Variants in SDK2 observed in about 807,000 individuals in gnomAD.
SDK2 encodes sidekick cell adhesion molecule 2, also known as protein sidekick-2.
A neutral mutation model predicts 253.9 loss-of-function variants in SDK2; 105 were observed. The observed-to-expected ratio is 0.41, with a 90% CI of 0.35 to 0.49. The LOEUF (loss-of-function observed/expected upper bound fraction) is 0.49, where lower values mean the gene tolerates loss of function less well. Among genes scored for constraint, SDK2 ranks in the 20% least tolerant of loss-of-function variants. SDK2 has a pLI of 0.06. For missense variants in SDK2, 2,608 were observed against 3,003.0 expected (o/e 0.87, Z 3.07); for synonymous variants, 1,249 against 1,234.9 (o/e 1.01, Z -0.24).
At chr17:73,634,019 G>A (rs2046301191) in intron 1 of SDK2, among the ~76,000 whole-genome samples, 1 of 152,204 alleles carries the variant, frequency 6.6e-6, no homozygotes, top group African/African-American at 2.4e-5. Context: ...TGCCGTTGAG[G>A]CCACAGCTGT....
chr17:73,360,860 C>T (rs1568365446), intron 39 of SDK2, among the ~76,000 whole-genome samples: 1 of 150,656 alleles, frequency 6.6e-6, no homozygotes, highest in Non-Finnish European at 1.5e-5. Context: ...TGCTTGAACC[C>T]GGGAGGTGGA....
chr17:73,417,139 C>T (rs561299137), intron 16 of SDK2, among the ~76,000 whole-genome samples: 2 of 151,290 alleles, frequency 1.3e-5, no homozygotes, highest in South Asian at 2.1e-4. Context: ...CATGGTGGCT[C>T]GTACCTATAA....
rs753609924 is a variant in SDK2 at position 73,348,661 on chromosome 17, C to G, written c.6103G>C (p.Asp2035His). 5 of 1,612,658 alleles carry G rather than the reference C, an allele frequency of 3.1e-6. No homozygotes were observed. The South Asian group carries it at 4.4e-5, about 14-fold the overall frequency. Reference protein sequence around the residue: ...YSDEDVTKYNDLIPAESSSLT... With the variant: ...YSDEDVTKYNHLIPAESSSLT... Reference sequence around the variant, plus strand: ...CTGCTGCTCTCTGCAGGGATGAGGTCGTTGTATTTGGTGACATCCTCATCC... The same window carrying G: ...CTGCTGCTCTCTGCAGGGATGAGGTGGTTGTATTTGGTGACATCCTCATCC... The change falls in exon 44 of 45, where the codon GAC (aspartate) becomes CAC (histidine). Residue 2035 changes from aspartate to histidine, a missense_variant. Transcript: ENST00000392650.
In SDK2 at chr17:73,629,442, G is replaced by A. The variant is rs1567882373; in HGVS notation, c.64+14583C>T. Among the ~76,000 whole-genome samples, 4 of 152,196 alleles carry A rather than the reference G, an allele frequency of 2.6e-5. No individual in the cohort carries two copies. The highest frequency in any genetic ancestry group is 9.7e-5 in the African/African-American group (4 of 41,440). The stretch of plus-strand genomic sequence containing the variant: ...TGAGTGTAAGCACCTGAGGGCAGAA[G>A]CCACTTGGGGTGTGGCCAGGTACAC... On this transcript the variant is annotated intron_variant, in intron 1 of 44. Coordinates refer to ENST00000392650, the MANE Select transcript of SDK2 (RefSeq NM_001144952.2). The surrounding 1 kb of genome is among the most constrained non-coding windows in gnomAD (Gnocchi z 5.0).
intron 36 of SDK2, chr17:73,369,226 A>T (rs1178503937): frequency 1.1e-5 from 5 of 467,028 alleles, no homozygotes; most frequent in Admixed American, 9.4e-5. Context: ...GTCCTACGGG[A>T]GGCTGAGCTG....
rs1282900203 is a variant in SDK2, at chr17:73,575,732, CAATCTTTGTGCTCA to C, written c.65-68149_65-68136del. On this transcript the variant is annotated intron_variant, in intron 1 of 44. Transcript: ENST00000392650. ...AATTATGGAATTAAAGTTGAATAGA[CAATCTTTGTGCTCA>C]AGGAGCTCAGCTTAGCGTGGGAGAC... Among the ~76,000 whole-genome samples the C allele has an allele frequency of 3.7e-3, 566 of 152,320 alleles. 1 individual carries two copies. Among genetic ancestry groups the C allele is most frequent in the African/African-American group, 8.9e-3 (369 of 41,572 alleles).
chr17:73,619,447 C>G lies in SDK2; in HGVS notation c.64+24578G>C, dbSNP rs1477846577. ...ACAGAGAGTCTATATGCATCTATGG[C>G]CAACTGATTTTTGACAAAGTTGTCA... On this transcript the variant is annotated intron_variant, in intron 1 of 44. Transcript: ENST00000392650. 2.6e-5 allele frequency among the ~76,000 whole-genome samples: 4 copies of G among 152,080 alleles called. No individual in the cohort carries two copies. In the East Asian group the frequency reaches 7.7e-4, roughly 29 times the overall value.
chr17:73,485,282 GGGC>G (rs928698003), intron 2 of SDK2, among the ~76,000 whole-genome samples: 3 of 152,126 alleles, frequency 2.0e-5, no homozygotes. Context: ...GAGGCTGAGG[GGGC>G]GAGGGAAGAA....
At chr17:73,572,573 T>G (rs150876054) in intron 1 of SDK2, among the ~76,000 whole-genome samples, 1 of 152,314 alleles carries the variant, frequency 6.6e-6, no homozygotes, top group East Asian at 1.9e-4. Flanking sequence ...GTGTAGTTAT[T>G]TGCTTATCGC....
chr17:73,586,212 T>A (rs546394369), intron 1 of SDK2, among the ~76,000 whole-genome samples: 1 of 152,280 alleles, frequency 6.6e-6, no homozygotes, highest in South Asian at 2.1e-4. Flanking sequence ...CTCCCCACCA[T>A]GCCTCTCCTG....
In SDK2 at chr17:73,352,743, C is replaced by A; in HGVS notation, c.5594-106G>T. On this transcript the variant is annotated intron_variant, in intron 40 of 44. Transcript: ENST00000392650. This position sits in a 1 kb window ranked among gnomAD's most constrained non-coding sequence, Gnocchi z 4.1. The stretch of plus-strand genomic sequence containing the variant: ...CCCTGAGGGCTGGGCCTGTTGGATC[C>A]TCCCTGCTCCACACTGAATCGCAGG... 2 of 1,143,932 alleles carry A rather than the reference C, an allele frequency of 1.7e-6. No homozygotes were observed. Among genetic ancestry groups the A allele is most frequent in the Non-Finnish European group, 2.5e-6 (2 of 793,024 alleles). The allele number at this position is 1,143,932 out of a possible 1,614,324, so 70.9% of individuals were successfully genotyped here.
intron 2 of SDK2, among the ~76,000 whole-genome samples, chr17:73,506,817 C>G (rs2063939356): frequency 6.6e-6 from 1 of 152,206 alleles, no homozygotes; most frequent in African/African-American, 2.4e-5. Context: ...GCAGATCCAC[C>G]CTTGCTGAGA....
chr17:73,352,686 A>C lies in SDK2; in HGVS notation c.5594-49T>G, dbSNP rs776749969. On this transcript the variant is annotated intron_variant, in intron 40 of 44. Transcript: ENST00000392650. This position sits in a 1 kb window ranked among gnomAD's most constrained non-coding sequence, Gnocchi z 4.1. ...CCCTGGGAGGTGAGGGGAAGCCCCA[A>C]ATCCCGCTCCCAGCCCCGTTCTGAC... 5 of 1,594,734 alleles carry C rather than the reference A, an allele frequency of 3.1e-6. No individual in the cohort carries two copies. The East Asian group carries it at 1.1e-4, about 36-fold the overall frequency.
chr17:73,574,048 A>G (rs926089104), intron 1 of SDK2, among the ~76,000 whole-genome samples: 1 of 152,108 alleles, frequency 6.6e-6, no homozygotes, highest in Admixed American at 6.5e-5. Context: ...TCCTGACACT[A>G]CCGCTCACAT....
intron 5 of SDK2, among the ~76,000 whole-genome samples, chr17:73,444,021 A>C (rs1488587213): frequency 6.6e-6 from 1 of 152,120 alleles, no homozygotes; most frequent in Non-Finnish European, 1.5e-5. Flanking sequence ...AGAGCGTGTG[A>C]TGGTTGCCGG....
intron 1 of SDK2, among the ~76,000 whole-genome samples, chr17:73,585,423 C>T (rs570761479): frequency 2.6e-5 from 4 of 152,200 alleles, no homozygotes; most frequent in Admixed American, 1.3e-4. Flanking sequence ...AGGAATCCCC[C>T]GGAGGGGGTG....
intron 2 of SDK2, among the ~76,000 whole-genome samples, chr17:73,504,751 C>T (rs967870443): frequency 1.3e-5 from 2 of 151,656 alleles, no homozygotes; most frequent in Non-Finnish European, 2.9e-5. Context: ...GGAAATATTC[C>T]CGTGGAGGGG....
chr17:73,558,285 T>C (rs1001517088), intron 1 of SDK2, among the ~76,000 whole-genome samples: 2 of 152,252 alleles, frequency 1.3e-5, no homozygotes, highest in African/African-American at 4.8e-5. Context: ...TGACTAGCTC[T>C]GCCTAGGGTT....
intron 1 of SDK2, among the ~76,000 whole-genome samples, chr17:73,583,311 T>G (rs1567855984): frequency 6.6e-6 from 1 of 152,216 alleles, no homozygotes; most frequent in African/African-American, 2.4e-5. Context: ...GATGAAGGCA[T>G]GAATGCCAGG....
Sources: allele counts gnomAD v4.1 joint callset (sites outside exome capture counted in the v4.1 genomes callset), GRCh38; gene constraint gnomAD v4.1.1; non-coding constraint Gnocchi (gnomAD v3.1); transcripts MANE v1.5; gene names NCBI Gene and HGNC (gene_info 2026-07-23, HGNC 2026-07-21).